ZCCHC14: variants seen among roughly 807,000 people sequenced by gnomAD.
ZCCHC14 encodes zinc finger CCHC-type containing 14, also known as zinc finger CCHC domain-containing protein 14.
A neutral mutation model predicts 85.0 loss-of-function variants in ZCCHC14; 16 were observed. The ratio of observed to expected loss-of-function variants is 0.19; its 90% CI spans 0.13 to 0.29. The LOEUF is 0.29. ZCCHC14 is among the 10% of genes least tolerant of loss of function. The pLI is 1.00. For missense variants in ZCCHC14, 1,303 were observed against 1,443.5 expected (o/e 0.90, Z 1.58); for synonymous variants, 775 against 630.7 (o/e 1.23, Z -3.43).
intron 1 of ZCCHC14, among the ~76,000 whole-genome samples, chr16:87,488,477 T>G (rs185291067): frequency 6.6e-6 from 1 of 152,316 alleles, no homozygotes; most frequent in African/African-American, 2.4e-5. Context: ...CTTTTACACC[T>G]CTAGAAGTCC....
rs1338366630 is a variant in ZCCHC14 at position 87,492,152 on chromosome 16, C to T, written c.87G>A (p.Leu29=). The T allele has an allele frequency of 1.6e-6, 2 of 1,266,544 alleles. No homozygotes were observed. Among genetic ancestry groups the T allele is most frequent in the Admixed American group, 4.5e-5 (1 of 22,270 alleles). The allele number at this position is 1,266,544 out of a possible 1,614,324, so 78.5% of individuals were successfully genotyped here. Residue 29 remains leucine, a synonymous_variant, in exon 1 of 13, where the codon CTG becomes CTA. Coordinates refer to ENST00000671377, the MANE Select transcript of ZCCHC14 (RefSeq NM_015144.3). The surrounding 1 kb of genome is among the most constrained non-coding windows in gnomAD (Gnocchi z 6.7). ...GGATGCACAGGTCCAGCAGGCCGCA[C>T]AGGAACTCCACGCGCTGCGGCGACG... ...ELPSPQRVEF[L]CGLLDLCIPL... is the part of the protein sequence containing the mutation.
rs374632777 is a variant in ZCCHC14, at chr16:87,417,628, C to T, written c.1215G>A (p.Ala405=). ...GGGTCCGGTAGGCCAGGGCTGAGCC[C>T]GCGCTGCCCGCATGGGAGCAGTGAG... The part of the protein sequence containing the change: ...PLPHCSHAGS[A]GSALAYRTQM... The change falls in exon 8 of 13, where the codon GCG becomes GCA. Residue 405 remains alanine, a synonymous_variant. Coordinates refer to ENST00000671377, the MANE Select transcript of ZCCHC14 (RefSeq NM_015144.3). 14 of 1,614,094 alleles carry T rather than the reference C, an allele frequency of 8.7e-6. No individual in the cohort carries two copies. Among genetic ancestry groups the T allele is most frequent in the Admixed American group, 6.7e-5 (4 of 60,026 alleles).
intron 1 of ZCCHC14, among the ~76,000 whole-genome samples, chr16:87,466,896 G>A (rs1263461431): frequency 6.6e-6 from 1 of 152,144 alleles, no homozygotes; most frequent in Non-Finnish European, 1.5e-5. Flanking sequence ...GCCCACCAGA[G>A]GGGCAGCCTG....
chr16:87,441,004 GTT>G (rs111515378), intron 2 of ZCCHC14, among the ~76,000 whole-genome samples: 7 of 135,212 alleles, frequency 5.2e-5, no homozygotes, highest in Non-Finnish European at 9.7e-5. Flanking sequence ...TTCCCATAAA[GTT>G]TTTTTTTTTT....
intron 1 of ZCCHC14, among the ~76,000 whole-genome samples, chr16:87,477,336 C>T (rs1424411616): frequency 2.6e-5 from 4 of 152,190 alleles, no homozygotes; most frequent in Non-Finnish European, 5.9e-5. Flanking sequence ...GCCGCTGGGG[C>T]GAAGGCAGGG....
At chr16:87,470,238 G>C (rs955831972) in intron 1 of ZCCHC14, 2 of 152,128 alleles carry the variant, frequency 1.3e-5, no homozygotes, top group African/African-American at 4.8e-5. Context: ...GCTGAGGTGG[G>C]GGGATCGCTT....
chr16:87,442,416 C>G (rs1255368172), intron 2 of ZCCHC14, among the ~76,000 whole-genome samples: 1 of 152,088 alleles, frequency 6.6e-6, no homozygotes, highest in Non-Finnish European at 1.5e-5. Flanking sequence ...ATCAACAGAT[C>G]CCAACACTGA....
intron 1 of ZCCHC14, among the ~76,000 whole-genome samples, chr16:87,490,671 T>G (rs2150782271): frequency 6.6e-6 from 1 of 152,280 alleles, no homozygotes; most frequent in East Asian, 1.9e-4. Flanking sequence ...TCAGCCTGGG[T>G]TTTGTTTCTA....
intron 3 of ZCCHC14, among the ~76,000 whole-genome samples, chr16:87,431,528 G>T (rs1177745722): frequency 6.6e-6 from 1 of 150,986 alleles, no homozygotes; most frequent in Non-Finnish European, 1.5e-5. Flanking sequence ...AGCTATGGCC[G>T]GTCAGGTTGT....
chr16:87,413,795 G>A (rs981507097), intron 10 of ZCCHC14, among the ~76,000 whole-genome samples: 1 of 142,834 alleles, frequency 7.0e-6, no homozygotes, highest in African/African-American at 2.5e-5. Context: ...CTTAAAACGT[G>A]GCCTCTGGGC....
intron 2 of ZCCHC14, among the ~76,000 whole-genome samples, chr16:87,435,318 G>C (rs1418853692): frequency 6.6e-6 from 1 of 152,216 alleles, no homozygotes; most frequent in Non-Finnish European, 1.5e-5. Flanking sequence ...ACCACGCTGA[G>C]GGTTCTGCAG....
At chr16:87,460,666 G>A (rs752671182) in intron 1 of ZCCHC14, among the ~76,000 whole-genome samples, 18 of 152,080 alleles carry the variant, frequency 1.2e-4, no homozygotes, top group Non-Finnish European at 2.4e-4. Context: ...CTCCAGCCTG[G>A]GCAACAGAGT....
intron 1 of ZCCHC14, among the ~76,000 whole-genome samples, chr16:87,465,315 A>G (rs1161383068): frequency 6.6e-6 from 1 of 152,244 alleles, no homozygotes; most frequent in Non-Finnish European, 1.5e-5. Context: ...ATACATCATG[A>G]TATCACCAAA....
At chr16:87,477,153 C>CAAAAAAAAAAAAAAAAAAAAAAAAAA (rs1412376609) in intron 1 of ZCCHC14, among the ~76,000 whole-genome samples, 3 of 116,218 alleles carry the variant, frequency 2.6e-5, no homozygotes, top group African/African-American at 1.3e-4. Context: ...AAAACAAAAC[C>CAAAAAAAAAAAAAAAAAAAAAAAAAA]AAAAAAAAAT....
At chr16:87,434,397 C>T (rs74038771) in intron 2 of ZCCHC14, among the ~76,000 whole-genome samples, 4,229 of 152,324 alleles carry the variant, frequency 0.028, 206 homozygotes, top group African/African-American at 0.097. Flanking sequence ...AGCCCCACGC[C>T]GAGCTTTACA....
intron 1 of ZCCHC14, among the ~76,000 whole-genome samples, chr16:87,468,133 G>C (rs915737478): frequency 1.3e-5 from 2 of 152,142 alleles, no homozygotes; most frequent in Admixed American, 6.5e-5. Flanking sequence ...TCATTTATTT[G>C]TATGTGTTCT....
chr16:87,466,583 G>A (rs1911529955), intron 1 of ZCCHC14, among the ~76,000 whole-genome samples: 1 of 152,074 alleles, frequency 6.6e-6, no homozygotes, highest in Middle Eastern at 3.4e-3. Context: ...ATTGAAAACC[G>A]TCATCTAAGT....
At chr16:87,451,406 C>T (rs957698701) in intron 2 of ZCCHC14, among the ~76,000 whole-genome samples, 4 of 151,792 alleles carry the variant, frequency 2.6e-5, no homozygotes, top group African/African-American at 9.7e-5. Flanking sequence ...CCATGTTGAT[C>T]AGACTGGTCT....
chr16:87,451,950 C>T (rs1327515555), intron 2 of ZCCHC14, among the ~76,000 whole-genome samples: 1 of 152,246 alleles, frequency 6.6e-6, no homozygotes, highest in African/African-American at 2.4e-5. Flanking sequence ...CGCATGTCCT[C>T]GCCTGAGCAA....
Sources: gnomAD v4.1 joint callset for allele counts (sites outside exome capture counted in the v4.1 genomes callset) on GRCh38, gnomAD v4.1.1 for gene constraint, Gnocchi (gnomAD v3.1) non-coding constraint, MANE v1.5 for transcripts, NCBI Gene and HGNC (gene_info 2026-07-23, HGNC 2026-07-21) for gene names.